Variants in TPRA1 observed in about 807,000 individuals in gnomAD.
TPRA1 encodes the protein transmembrane protein adipocyte associated 1.
In TPRA1, 28 loss-of-function variants were observed where a neutral mutation model predicts 40.1. The ratio of observed to expected loss-of-function variants is 0.70; its 90% CI spans 0.52 to 0.96. The LOEUF (loss-of-function observed/expected upper bound fraction) is 0.96. TPRA1 is among the 40% of genes least tolerant of loss of function. TPRA1 has a pLI of 0.00. For synonymous variants in TPRA1, 219 were observed against 209.7 expected (o/e 1.04, Z -0.38); for missense variants, 441 against 482.6 (o/e 0.91, Z 0.81).
At chr3:127,588,907 C>A (rs1434907053) in intron 1 of TPRA1, among the ~76,000 whole-genome samples, 1 of 152,186 alleles carries the variant, frequency 6.6e-6, no homozygotes, top group East Asian at 1.9e-4. Context: ...CTACTTAGTT[C>A]TCTTAGACTG....
At chr3:127,575,686 A>C in intron 8 of TPRA1, 63 bp downstream of exon 8, 1 of 1,578,100 alleles carries the variant, frequency 6.3e-7, no homozygotes, top group South Asian at 1.1e-5. Flanking sequence ...TACCAGCTCT[A>C]CAGTGGCCCG....
intron 3 of TPRA1, among the ~76,000 whole-genome samples, chr3:127,578,961 A>G (rs897563242): frequency 6.6e-5 from 10 of 151,812 alleles, no homozygotes; most frequent in Non-Finnish European, 8.8e-5. Context: ...ACACCAGGAC[A>G]GCCCGCACCG....
rs1012700641 is a variant in TPRA1 at position 127,573,221 on chromosome 3, C to T, written c.*300G>A. The T allele has an allele frequency of 6.1e-5, 20 of 329,788 alleles. No individual in the cohort carries two copies. Among genetic ancestry groups the T allele is most frequent in the African/African-American group, 4.1e-4 (20 of 48,546 alleles). 20.4% of individuals were successfully genotyped at this position (329,788 alleles called of 1,614,324 possible). On this transcript the variant is annotated 3_prime_UTR_variant, in exon 11 of 11. Coordinates refer to ENST00000355552, the MANE Select transcript of TPRA1 (RefSeq NM_001136053.4). ...CAGCCCTGCCCTCGTGCCAAGGGTG[C>T]AGAGAAGGAGGGTGCCCTCAGCCAA...
At chr3:127,579,568 C>T (rs1048697218) in intron 3 of TPRA1, among the ~76,000 whole-genome samples, 172 bp downstream of exon 3, 4 of 152,222 alleles carry the variant, frequency 2.6e-5, no homozygotes, top group African/African-American at 9.7e-5. Flanking sequence ...GAGGGGAACT[C>T]ATCTGAGATA....
chr3:127,573,960 G>A (rs916826974), intron 10 of TPRA1, among the ~76,000 whole-genome samples, 172 bp from the exon 11 acceptor site: 8 of 152,130 alleles, frequency 5.3e-5, no homozygotes, highest in African/African-American at 1.9e-4. Flanking sequence ...ACTTGTTTTG[G>A]AACCCAGCCC....
chr3:127,579,506 T>C (rs2073755703), intron 3 of TPRA1, among the ~76,000 whole-genome samples: 2 of 152,150 alleles, frequency 1.3e-5, no homozygotes, highest in Non-Finnish European at 2.9e-5. Flanking sequence ...GCCTGAGTTG[T>C]AGAGGCAGGA....
rs1576366474 is a variant in TPRA1, at chr3:127,575,451, T to C, written c.725A>G (p.Gln242Arg). The change falls in exon 9 of 11, where the codon CAG becomes CGG. Residue 242 changes from glutamine to arginine, a missense_variant. Physicochemically the swap from Gln to Arg is conservative, Grantham distance 43 (BLOSUM62 1). Coordinates refer to ENST00000355552, the MANE Select transcript of TPRA1 (RefSeq NM_001136053.4). ...AGILALLNLLQGLGSVLLCFD... is the reference protein window; with the variant it reads ...AGILALLNLLRGLGSVLLCFD... ...GCACAGCAGCACACTCCCCAGCCCC[T>C]GCAGTAGGTTGAGCAGTGCCAGGAT... The C allele has an allele frequency of 1.2e-6, 2 of 1,603,166 alleles. No homozygotes were observed. Among genetic ancestry groups the C allele is most frequent in the Non-Finnish European group, 1.7e-6 (2 of 1,175,114 alleles).
intron 3 of TPRA1, among the ~76,000 whole-genome samples, chr3:127,579,095 T>G (rs1283689256): frequency 1.3e-5 from 2 of 152,108 alleles, no homozygotes; most frequent in African/African-American, 4.8e-5. Context: ...GAGCCCACAT[T>G]TGGAGCTGCC....
intron 3 of TPRA1, 32 bp downstream of exon 3, chr3:127,579,708 G>C: frequency 1.2e-6 from 2 of 1,611,398 alleles, no homozygotes; most frequent in Non-Finnish European, 1.7e-6. Flanking sequence ...CCCAGTTGGA[G>C]TTGGCTTTTC....
intron 3 of TPRA1, 119 bp from the exon 4 acceptor site, chr3:127,577,195 G>A: frequency 9.7e-7 from 1 of 1,027,472 alleles, no homozygotes; most frequent in Non-Finnish European, 1.5e-6. Context: ...AAAGGAGGAA[G>A]GCGCAAAGTC....
chr3:127,585,889 T>G (rs1461263506), intron 1 of TPRA1, among the ~76,000 whole-genome samples: 1 of 152,214 alleles, frequency 6.6e-6, no homozygotes, highest in South Asian at 2.1e-4. Context: ...ACTGCTCTAG[T>G]TTGACATGGC....
At chr3:127,584,836 T>G (rs1329287329) in intron 1 of TPRA1, among the ~76,000 whole-genome samples, 1 of 152,228 alleles carries the variant, frequency 6.6e-6, no homozygotes, top group Non-Finnish European at 1.5e-5. Flanking sequence ...GAACTTTTTT[T>G]TTGTTATAAA....
intron 3 of TPRA1, among the ~76,000 whole-genome samples, chr3:127,578,628 G>C (rs1170762651): frequency 6.6e-6 from 1 of 152,220 alleles, no homozygotes; most frequent in African/African-American, 2.4e-5. Flanking sequence ...TAAATGGTGA[G>C]AGAAGCAGTG....
intron 1 of TPRA1, among the ~76,000 whole-genome samples, chr3:127,582,436 C>T (rs2073861071): frequency 6.6e-6 from 1 of 152,132 alleles, no homozygotes; most frequent in Non-Finnish European, 1.5e-5. Context: ...TGCGGAGGCT[C>T]ATGCCAGTAA....
intron 1 of TPRA1, among the ~76,000 whole-genome samples, chr3:127,582,481 ACTTGCGGT>A (rs1186214380): frequency 6.6e-6 from 1 of 152,072 alleles, no homozygotes; most frequent in Non-Finnish European, 1.5e-5. Context: ...CAGGCGAATC[ACTTGCGGT>A]CAGGAGTTCA....
intron 1 of TPRA1, among the ~76,000 whole-genome samples, chr3:127,587,437 C>G (rs2074033713): frequency 6.6e-6 from 1 of 152,120 alleles, no homozygotes; most frequent in Non-Finnish European, 1.5e-5. Context: ...CAGTTTGAGT[C>G]TGACTTCTCT....
In TPRA1 at chr3:127,579,747, T is replaced by C; in HGVS notation, c.251A>G (p.Tyr84Cys). 6.2e-7 allele frequency: 1 copy of C among 1,614,086 alleles called. No homozygotes were observed. Among genetic ancestry groups the C allele is most frequent in the Non-Finnish European group, 8.5e-7 (1 of 1,180,000 alleles). Residue 84 changes from tyrosine (Y) to cysteine (C), a missense_variant, in exon 3 of 11, where the codon TAC becomes TGC. Coordinates refer to ENST00000355552, the MANE Select transcript of TPRA1 (RefSeq NM_001136053.4). ...ITSSPIFITF[Y>C]ILVFVVALVG... Reference sequence around the variant, plus strand: ...CAACTGCAGTGAACTCACCAGGATGTAGAAGGTGATAAAAATGGGGCTGGA... The same window carrying C: ...CAACTGCAGTGAACTCACCAGGATGCAGAAGGTGATAAAAATGGGGCTGGA...
At chr3:127,582,838 TAA>T (rs1290942646) in intron 1 of TPRA1, among the ~76,000 whole-genome samples, 1 of 137,862 alleles carries the variant, frequency 7.3e-6, no homozygotes. Context: ...CCGCCTCTAC[TAA>T]AAAAAAAAAA....
chr3:127,592,829 C>G (rs564784374), upstream of TPRA1, among the ~76,000 whole-genome samples: 2 of 152,286 alleles, frequency 1.3e-5, no homozygotes, highest in East Asian at 1.9e-4. Context: ...ACGTTGTACC[C>G]GGATGGACTC....
Sources: allele counts gnomAD v4.1 joint callset (sites outside exome capture counted in the v4.1 genomes callset), GRCh38; gene constraint gnomAD v4.1.1; transcripts MANE v1.5; gene names NCBI Gene and HGNC (gene_info 2026-07-23, HGNC 2026-07-21).